SLIT3: variants seen among roughly 807,000 people sequenced by gnomAD.
SLIT3 encodes slit guidance ligand 3.
SLIT3 carries 68 observed loss-of-function variants against 184.0 expected under a neutral mutation model. The observed-to-expected ratio is 0.37, with a 90% CI of 0.30 to 0.45. The LOEUF is 0.45. SLIT3 is among the 20% of genes least tolerant of loss of function. The pLI is 1.00. For synonymous variants in SLIT3, 831 were observed against 828.6 expected, an observed-to-expected ratio of 1.00 and a Z score of -0.05; for missense variants, 1,707 against 2,026.0, an observed-to-expected ratio of 0.84 and a Z score of 3.02.
intron 4 of SLIT3, among the ~76,000 whole-genome samples, chr5:169,110,226 G>A (rs543136659): frequency 1.3e-5 from 2 of 152,306 alleles, no homozygotes; most frequent in East Asian, 3.9e-4. Context: ...ATAACTGCAT[G>A]GTTGAGTATG....
At chr5:169,054,833 T>G (rs112942869) in intron 4 of SLIT3, among the ~76,000 whole-genome samples, 34 of 152,308 alleles carry the variant, frequency 2.2e-4, no homozygotes, top group Non-Finnish European at 4.4e-4. Context: ...GCTCAAGGTC[T>G]ATCTCCTTCT....
chr5:169,058,099 G>T (rs1296777489), intron 4 of SLIT3, among the ~76,000 whole-genome samples: 1 of 152,228 alleles, frequency 6.6e-6, no homozygotes, highest in Non-Finnish European at 1.5e-5. Flanking sequence ...GAGCGCTATT[G>T]CAGATGCAGG....
intron 6 of SLIT3, among the ~76,000 whole-genome samples, chr5:168,842,488 G>GTTTTTT (rs1294599549): frequency 3.4e-5 from 3 of 87,256 alleles, no homozygotes; most frequent in Admixed American, 1.2e-4. Flanking sequence ...TTTTTTTTTT[G>GTTTTTT]TATCTGAGTA....
Position 168,897,641 on chromosome 5 carries a change from T to A in SLIT3, c.414-14305A>T, listed in dbSNP as rs1373727955. Among the ~76,000 whole-genome samples the A allele has an allele frequency of 1.5e-4, 3 of 19,680 alleles. No homozygotes were observed. In the Admixed American group the frequency reaches 3.0e-3, roughly 19 times the overall value. The allele number at this position is 19,680 out of a possible 152,430, so 12.9% of individuals were successfully genotyped here. ...CAAAGAGAAAGAGGATGGAGACAGG[T>A]GCACGTACACACACACACACACACA... On this transcript the variant is annotated intron_variant, in intron 4 of 35. Transcript: ENST00000519560.
At chr5:169,098,149 T>C (rs1014828356) in intron 4 of SLIT3, among the ~76,000 whole-genome samples, 2 of 152,086 alleles carry the variant, frequency 1.3e-5, no homozygotes, top group Admixed American at 6.5e-5. Context: ...GCAGGCTTCT[T>C]CTCACACATG....
At chr5:169,127,229 CT>C (rs1561682568) in intron 4 of SLIT3, among the ~76,000 whole-genome samples, 1 of 152,222 alleles carries the variant, frequency 6.6e-6, no homozygotes, top group Non-Finnish European at 1.5e-5. Context: ...AAATCAAGGG[CT>C]TTACTCTCCA....
intron 16 of SLIT3, among the ~76,000 whole-genome samples, chr5:168,754,256 A>G (rs1754819600): frequency 6.6e-6 from 1 of 152,202 alleles, no homozygotes; most frequent in Non-Finnish European, 1.5e-5. Context: ...CAGTGGATGA[A>G]TGGATCAAGA....
At chr5:169,113,431 T>G (rs993446349) in intron 4 of SLIT3, among the ~76,000 whole-genome samples, 2 of 152,204 alleles carry the variant, frequency 1.3e-5, no homozygotes, top group Admixed American at 6.5e-5. Flanking sequence ...AATATCTCAT[T>G]GTCTATATTA....
chr5:169,151,058 A>C (rs1437195819), intron 4 of SLIT3, among the ~76,000 whole-genome samples: 1 of 152,126 alleles, frequency 6.6e-6, no homozygotes, highest in Non-Finnish European at 1.5e-5. Context: ...CTAAAAATAC[A>C]ATTTGGGACT....
chr5:168,746,734 TG>T (rs1488391229), intron 20 of SLIT3, among the ~76,000 whole-genome samples: 3 of 67,848 alleles, frequency 4.4e-5, no homozygotes, highest in African/African-American at 1.1e-4. Context: ...CGGTGTGTGG[TG>T]GTGTGCGGTG....
intron 4 of SLIT3, among the ~76,000 whole-genome samples, chr5:169,087,486 C>T (rs891357575): frequency 6.6e-6 from 1 of 152,130 alleles, no homozygotes; most frequent in Non-Finnish European, 1.5e-5. Flanking sequence ...AGAATGCACC[C>T]CTGGCCTCTG....
chr5:168,788,634 T>C (rs1255554323), intron 11 of SLIT3, among the ~76,000 whole-genome samples: 7 of 152,108 alleles, frequency 4.6e-5, no homozygotes, highest in African/African-American at 1.4e-4. Flanking sequence ...CAAACACAGT[T>C]TGTGGTACTA....
At chr5:168,884,979 G>A (rs1760138480) in intron 4 of SLIT3, among the ~76,000 whole-genome samples, 1 of 152,080 alleles carries the variant, frequency 6.6e-6, no homozygotes, top group Non-Finnish European at 1.5e-5. Flanking sequence ...GATGACTCCA[G>A]TTATATTTGG....
At chr5:168,901,290 G>T (rs1238624345) in intron 4 of SLIT3, among the ~76,000 whole-genome samples, 1 of 152,154 alleles carries the variant, frequency 6.6e-6, no homozygotes, top group Non-Finnish European at 1.5e-5. Flanking sequence ...CGTGAACCTG[G>T]GGGGCGGAGC....
chr5:168,889,285 G>A (rs528657971), intron 4 of SLIT3, among the ~76,000 whole-genome samples: 17 of 152,262 alleles, frequency 1.1e-4, no homozygotes, highest in African/African-American at 3.4e-4. Flanking sequence ...AAAATCAAAT[G>A]AGCACCAAGC....
At chr5:169,067,118 C>T (rs148453063) in intron 4 of SLIT3, among the ~76,000 whole-genome samples, 15 of 152,192 alleles carry the variant, frequency 9.9e-5, no homozygotes, top group Middle Eastern at 6.8e-3. Context: ...TAAAGAATGA[C>T]GGACGAATTG....
In SLIT3 at chr5:169,089,019, CAAAAAAAAAAAAAAAAAA is replaced by C. The variant is rs570118972; in HGVS notation, c.413+104442_413+104459del. 4.7e-3 allele frequency among the ~76,000 whole-genome samples: 121 copies of C among 25,566 alleles called. 1 individual carries two copies. Among genetic ancestry groups the C allele is most frequent in the Admixed American group, 0.017 (20 of 1,144 alleles). 16.8% of individuals were successfully genotyped at this position (25,566 alleles called of 152,430 possible). ...TGGGAGACAGAGCAAGACTCCATCT[CAAAAAAAAAAAAAAAAAA>C]AAAAAAAAAAAAAAAAAAGAAGTGC... is the stretch of plus-strand genomic sequence containing the variant. On this transcript the variant is annotated intron_variant, in intron 4 of 35. Transcript: ENST00000519560.
intron 27 of SLIT3, 105 bp downstream of exon 27, chr5:168,700,477 C>T (rs1462848022): frequency 1.3e-6 from 1 of 798,050 alleles, no homozygotes; most frequent in African/African-American, 1.7e-5. Context: ...AACTGTGAGT[C>T]CTTTAAACTT....
In SLIT3 at chr5:168,722,975, A is replaced by G; in HGVS notation, c.2369T>C (p.Leu790Pro). Residue 790 changes from leucine to proline, a missense_variant, in exon 22 of 36, where the codon CTG (leucine) becomes CCG (proline). By Grantham distance (98) the Leu-to-Pro change is moderately conservative. Transcript: ENST00000519560. ...IDLSNNSISM[L>P]TNYTFSNMSH... ...CATGTTACTGAAGGTGTAATTGGTCAGCATGCTGATGCTGTTGTTGCTCAG... is the reference window on the plus strand; with the variant it reads ...CATGTTACTGAAGGTGTAATTGGTCGGCATGCTGATGCTGTTGTTGCTCAG... The G allele has an allele frequency of 6.2e-7, 1 of 1,614,102 alleles. No homozygotes were observed. Among genetic ancestry groups the G allele is most frequent in the Non-Finnish European group, 8.5e-7 (1 of 1,179,930 alleles).
Sources: gnomAD v4.1 joint callset for allele counts (sites outside exome capture counted in the v4.1 genomes callset) on GRCh38, gnomAD v4.1.1 for gene constraint, MANE v1.5 for transcripts, NCBI Gene and HGNC (gene_info 2026-07-23, HGNC 2026-07-21) for gene names.